CACNA1E: variants seen among roughly 807,000 people sequenced by gnomAD.
The protein encoded by CACNA1E is calcium voltage-gated channel subunit alpha1 E, also known as voltage-dependent R-type calcium channel subunit alpha-1E.
A neutral mutation model predicts 259.2 loss-of-function variants in CACNA1E; 40 were observed. The ratio of observed to expected loss-of-function variants is 0.15; its 90% CI spans 0.12 to 0.20. The LOEUF is 0.20. CACNA1E is among the 10% of genes least tolerant of loss of function. The pLI, the probability that CACNA1E is intolerant of heterozygous loss-of-function variation, is 1.00. For synonymous variants in CACNA1E, 1,104 were observed against 1,138.5 expected, an observed-to-expected ratio of 0.97 and a Z score of 0.61; for missense variants, 1,874 against 3,040.1, an observed-to-expected ratio of 0.62 and a Z score of 9.02.
intron 7 of CACNA1E, among the ~76,000 whole-genome samples, chr1:181,707,147 C>T (rs1572658469): frequency 6.6e-6 from 1 of 152,294 alleles, no homozygotes; most frequent in African/African-American, 2.4e-5. Flanking sequence ...GACACAGGTG[C>T]TGGACTTGCT....
chr1:181,680,132 A>G (rs1047641313), intron 7 of CACNA1E, among the ~76,000 whole-genome samples: 3 of 142,974 alleles, frequency 2.1e-5, no homozygotes, highest in African/African-American at 5.2e-5. Flanking sequence ...AAAAAAAAAA[A>G]AAGAGTCCCC....
intron 21 of CACNA1E, among the ~76,000 whole-genome samples, chr1:181,734,810 T>C (rs549592817): frequency 7.5e-6 from 1 of 132,920 alleles, no homozygotes; most frequent in Admixed American, 7.6e-5. Flanking sequence ...CATTATGAAT[T>C]CCACACCCTA....
At chr1:181,331,883 A>G (rs1055165589) in intron 1 of CACNA1E, among the ~76,000 whole-genome samples, 3 of 152,202 alleles carry the variant, frequency 2.0e-5, no homozygotes, top group Non-Finnish European at 2.9e-5. Flanking sequence ...CGAAGATCAG[A>G]TAATTATAGG....
At chr1:181,425,714 C>A (rs940746468) in intron 2 of CACNA1E, among the ~76,000 whole-genome samples, 4 of 152,126 alleles carry the variant, frequency 2.6e-5, no homozygotes, top group African/African-American at 9.7e-5. Context: ...CATACCCCAG[C>A]CACACTGTCC....
At chr1:181,655,693 C>T (rs767588403) in intron 7 of CACNA1E, among the ~76,000 whole-genome samples, 3 of 151,960 alleles carry the variant, frequency 2.0e-5, no homozygotes, top group Non-Finnish European at 2.9e-5. Context: ...ATTCCCAGGG[C>T]GATGAACGGA....
chr1:181,610,676 A>G (rs906767756), intron 6 of CACNA1E, among the ~76,000 whole-genome samples: 4 of 152,122 alleles, frequency 2.6e-5, no homozygotes, highest in Non-Finnish European at 5.9e-5. Flanking sequence ...GTCAATAGAG[A>G]TGTCCTGAGG....
intron 1 of CACNA1E, among the ~76,000 whole-genome samples, chr1:181,348,962 G>A (rs779356502): frequency 1.2e-4 from 18 of 152,158 alleles, no homozygotes; most frequent in South Asian, 1.0e-3. Context: ...AGGACCCAGC[G>A]TGAAACTCCC....
At chr1:181,328,708 C>T (rs182830622) in intron 1 of CACNA1E, among the ~76,000 whole-genome samples, 19 of 152,108 alleles carry the variant, frequency 1.2e-4, no homozygotes, top group Admixed American at 2.0e-4. Context: ...GCTAGAAAAG[C>T]CATCAGACCA....
intron 37 of CACNA1E, 127 bp downstream of exon 37, chr1:181,772,358 C>T (rs1427947354): frequency 5.7e-6 from 5 of 869,732 alleles, no homozygotes; most frequent in Non-Finnish European, 7.3e-6. Flanking sequence ...TCTCTCCACA[C>T]CCCCACCATG....
intron 1 of CACNA1E, among the ~76,000 whole-genome samples, chr1:181,368,380 C>A (rs192384892): frequency 2.8e-4 from 43 of 151,372 alleles, no homozygotes; most frequent in African/African-American, 9.9e-4. Context: ...CGCAGAGAAC[C>A]TATGTACAAA....
intron 1 of CACNA1E, among the ~76,000 whole-genome samples, chr1:181,321,653 A>G (rs1346488915): frequency 1.3e-5 from 2 of 152,186 alleles, no homozygotes; most frequent in African/African-American, 4.8e-5. Flanking sequence ...ATAGAGGCTC[A>G]TGTAGATAAT....
chr1:181,729,783 C>T (rs146835151), intron 18 of CACNA1E, among the ~76,000 whole-genome samples: 21 of 152,302 alleles, frequency 1.4e-4, no homozygotes, highest in East Asian at 7.7e-4. Context: ...CTTCCACGTA[C>T]GTACACTCTT....
chr1:181,659,201 GA>G (rs1430120128), intron 7 of CACNA1E, among the ~76,000 whole-genome samples: 1 of 152,120 alleles, frequency 6.6e-6, no homozygotes, highest in Non-Finnish European at 1.5e-5. Flanking sequence ...GTCCATGTGA[GA>G]GGGGGCAGGC....
At chr1:181,463,768 T>C (rs1661970076) in intron 2 of CACNA1E, among the ~76,000 whole-genome samples, 1 of 152,168 alleles carries the variant, frequency 6.6e-6, no homozygotes, top group African/African-American at 2.4e-5. Context: ...TCACTTTGTT[T>C]ATGGTGCTTT....
At chr1:181,475,566 T>A (rs1204837155) in intron 2 of CACNA1E, among the ~76,000 whole-genome samples, 1 of 152,134 alleles carries the variant, frequency 6.6e-6, no homozygotes, top group Non-Finnish European at 1.5e-5. Context: ...GAGGCAGGAA[T>A]GGGCATGACA....
chr1:181,758,630 C>T lies in CACNA1E; in HGVS notation c.4495-128C>T, dbSNP rs1558354726. 1.0e-5 allele frequency: 6 copies of T among 584,620 alleles called. No homozygotes were observed. Among genetic ancestry groups the T allele is most frequent in the Non-Finnish European group, 3.0e-6 (1 of 328,228 alleles). The allele number at this position is 584,620 out of a possible 1,614,324, so 36.2% of individuals were successfully genotyped here. A position where few individuals can be genotyped will look rare whatever the true frequency, so the allele number is the denominator to read the frequency against. Reference sequence around the variant, plus strand: ...CCTCTCCAGCACTCGAAGTCCATCTCTCCTCCTGTACCACACACCAGAGTG... The same window carrying T: ...CCTCTCCAGCACTCGAAGTCCATCTTTCCTCCTGTACCACACACCAGAGTG... On this transcript the variant is annotated intron_variant, in intron 31 of 47. Coordinates refer to ENST00000367573, the MANE Select transcript of CACNA1E (RefSeq NM_001205293.3). This position sits in a 1 kb window ranked among gnomAD's most constrained non-coding sequence, Gnocchi z 4.2.
chr1:181,532,806 T>C (rs556057581), intron 3 of CACNA1E, among the ~76,000 whole-genome samples: 2 of 152,352 alleles, frequency 1.3e-5, no homozygotes, highest in South Asian at 4.1e-4. Context: ...CTTTGGATCT[T>C]CTCCTAAACA....
chr1:181,496,655 G>A (rs1664780677), intron 1 of CACNA1E, among the ~76,000 whole-genome samples: 1 of 152,110 alleles, frequency 6.6e-6, no homozygotes, highest in African/African-American at 2.4e-5. Context: ...TAATGAGCTT[G>A]GTGAAGGTCC....
At chr1:181,476,909 G>A (rs1282093646) in intron 2 of CACNA1E, among the ~76,000 whole-genome samples, 4 of 152,086 alleles carry the variant, frequency 2.6e-5, no homozygotes, top group African/African-American at 4.8e-5. Context: ...GACAGTGATG[G>A]GCATGGGATC....
Sources: gnomAD v4.1 joint callset for allele counts (sites outside exome capture counted in the v4.1 genomes callset) on GRCh38, gnomAD v4.1.1 for gene constraint, Gnocchi (gnomAD v3.1) non-coding constraint, MANE v1.5 for transcripts, NCBI Gene and HGNC (gene_info 2026-07-23, HGNC 2026-07-21) for gene names.